Variants in SLIT3 observed in about 807,000 individuals in gnomAD.
The protein encoded by SLIT3 is slit homolog 3 protein.
SLIT3 carries 68 observed loss-of-function variants against 184.0 expected under a neutral mutation model. The ratio of observed to expected loss-of-function variants is 0.37; its 90% CI spans 0.30 to 0.45. The LOEUF is 0.45. Ranked by LOEUF, SLIT3 falls within the 20% of genes least tolerant of loss-of-function variation. The pLI is 1.00. For synonymous variants in SLIT3, 831 were observed against 828.6 expected, an observed-to-expected ratio of 1.00 and a Z score of -0.05; for missense variants, 1,707 against 2,026.0, an observed-to-expected ratio of 0.84 and a Z score of 3.02.
At chr5:168,800,311 C>T (rs143784740) in intron 9 of SLIT3, among the ~76,000 whole-genome samples, 9 of 152,282 alleles carry the variant, frequency 5.9e-5, no homozygotes, top group Admixed American at 1.3e-4. Flanking sequence ...GTTGGCTGGG[C>T]GCAGTGGCTC....
intron 4 of SLIT3, among the ~76,000 whole-genome samples, chr5:168,954,146 T>C (rs1762746922): frequency 6.6e-6 from 1 of 152,210 alleles, no homozygotes; most frequent in South Asian, 2.1e-4. Context: ...GCAGAATGCT[T>C]TGGCACTGGC....
At chr5:168,789,174 C>T (rs1356939000) in intron 11 of SLIT3, among the ~76,000 whole-genome samples, 1 of 151,104 alleles carries the variant, frequency 6.6e-6, no homozygotes, top group Non-Finnish European at 1.5e-5. Flanking sequence ...GAGCTCTTCC[C>T]TTGGCAAGGC....
intron 4 of SLIT3, among the ~76,000 whole-genome samples, chr5:168,892,580 G>C (rs1760509205): frequency 6.6e-6 from 1 of 152,216 alleles, no homozygotes; most frequent in South Asian, 2.1e-4. Flanking sequence ...GCAAGCCATG[G>C]TTTAGAATAT....
At chr5:169,142,054 AAAAAATAAAAATAAAAAT>A (rs200706671) in intron 4 of SLIT3, among the ~76,000 whole-genome samples, 1 of 140,156 alleles carries the variant, frequency 7.1e-6, no homozygotes, top group African/African-American at 2.7e-5. Flanking sequence ...CTACTCAAAA[AAAAAATAAAAATAAAAAT>A]AAAAATAAAA....
chr5:169,180,788 A>G (rs1561719000), intron 4 of SLIT3, among the ~76,000 whole-genome samples: 1 of 152,216 alleles, frequency 6.6e-6, no homozygotes, highest in African/African-American at 2.4e-5. Flanking sequence ...CACATAAGGG[A>G]AAAGGATCTG....
chr5:168,897,120 A>T (rs970905685), intron 4 of SLIT3, among the ~76,000 whole-genome samples: 3 of 36,120 alleles, frequency 8.3e-5, no homozygotes, highest in Non-Finnish European at 5.0e-4. Flanking sequence ...AAGCATCATC[A>T]TTACTAGGGT....
chr5:169,112,197 A>C (rs1760437738), intron 4 of SLIT3, among the ~76,000 whole-genome samples: 1 of 152,192 alleles, frequency 6.6e-6, no homozygotes. Context: ...GGGGCTATGC[A>C]CAGTAGCTCC....
chr5:168,772,578 G>GTC, intron 14 of SLIT3: 1 of 585,826 alleles, frequency 1.7e-6, no homozygotes. Flanking sequence ...TATTGTGTGT[G>GTC]TGTGTGTGTG....
chr5:169,152,354 A>T (rs1762142994), intron 4 of SLIT3, among the ~76,000 whole-genome samples: 1 of 152,196 alleles, frequency 6.6e-6, no homozygotes, highest in African/African-American at 2.4e-5. Context: ...GGAGACTCGA[A>T]CCTGCTGATC....
chr5:168,808,680 C>T (rs1361948449), intron 8 of SLIT3, among the ~76,000 whole-genome samples: 2 of 152,128 alleles, frequency 1.3e-5, no homozygotes, highest in African/African-American at 2.4e-5. Flanking sequence ...TGCATGATTA[C>T]TGAAGTTCTT....
chr5:169,281,352 T>C (rs1253597239), intron 1 of SLIT3, among the ~76,000 whole-genome samples: 1 of 152,140 alleles, frequency 6.6e-6, no homozygotes, highest in Non-Finnish European at 1.5e-5. Flanking sequence ...GACGGGTGCC[T>C]GTAATCCCAG....
At chr5:169,213,761 C>T (rs1764347193) in intron 3 of SLIT3, among the ~76,000 whole-genome samples, 1 of 152,194 alleles carries the variant, frequency 6.6e-6, no homozygotes, top group African/African-American at 2.4e-5. Context: ...ACTTTTTTCT[C>T]TTCCTACTAT....
chr5:168,967,435 A>ATTTTTTTTTTTTTTTTTTTTTT (rs556216624), intron 4 of SLIT3, among the ~76,000 whole-genome samples: 25 of 30,750 alleles, frequency 8.1e-4, no homozygotes, highest in Admixed American at 2.2e-3. Flanking sequence ...GCCATCTCAA[A>ATTTTTTTTTTTTTTTTTTTTTT]TCTTTTTTTT....
intron 32 of SLIT3, 125 bp from the exon 33 acceptor site, chr5:168,673,456 T>A: frequency 4.5e-6 from 4 of 886,816 alleles, no homozygotes; most frequent in Non-Finnish European, 5.0e-6. Context: ...GAAATAACTT[T>A]AAACTTACAT....
At chr5:168,908,026 T>C (rs532498139) in intron 4 of SLIT3, among the ~76,000 whole-genome samples, 31 of 141,084 alleles carry the variant, frequency 2.2e-4, no homozygotes, top group African/African-American at 8.2e-4. Context: ...TTTCATTTCA[T>C]ATTCTTTTTT....
At chr5:169,269,504 C>A (rs531775268) in intron 1 of SLIT3, among the ~76,000 whole-genome samples, 1 of 152,360 alleles carries the variant, frequency 6.6e-6, no homozygotes, top group East Asian at 1.9e-4. Flanking sequence ...TGACTTTGCT[C>A]AGGCAACTCT....
At chr5:168,673,003 C>T (rs750155167) in intron 33 of SLIT3, among the ~76,000 whole-genome samples, 174 bp downstream of exon 33, 92 of 152,240 alleles carry the variant, frequency 6.0e-4, no homozygotes, top group Non-Finnish European at 1.2e-3. Flanking sequence ...GCACCTGTCC[C>T]ACATTCTCTT....
chr5:169,181,300 T>C (rs1303538807), intron 4 of SLIT3, among the ~76,000 whole-genome samples: 1 of 152,176 alleles, frequency 6.6e-6, no homozygotes, highest in Non-Finnish European at 1.5e-5. Context: ...GTGTGCGTGG[T>C]ACGTTAGGTG....
chr5:168,867,990 C>T (rs1305071108), intron 5 of SLIT3, among the ~76,000 whole-genome samples: 5 of 152,150 alleles, frequency 3.3e-5, no homozygotes, highest in Admixed American at 3.3e-4. Context: ...GGTATGGACA[C>T]TTAGTGCTTA....
Sources: gnomAD v4.1 joint callset for allele counts (sites outside exome capture counted in the v4.1 genomes callset) on GRCh38, gnomAD v4.1.1 for gene constraint, MANE v1.5 for transcripts, NCBI Gene and HGNC (gene_info 2026-07-23, HGNC 2026-07-21) for gene names.